Variants in FSIP1 observed in about 807,000 individuals in gnomAD.
FSIP1 encodes the protein fibrous sheath interacting protein 1.
A neutral mutation model predicts 60.9 loss-of-function variants in FSIP1; 65 were observed. The observed-to-expected ratio is 1.07, with a 90% confidence interval of 0.87 to 1.31. FSIP1 has a LOEUF of 1.31. Ranked by LOEUF, FSIP1 falls within the 40% of genes most tolerant of loss-of-function variation. The probability of loss-of-function intolerance (pLI) is 0.00; values close to 1 mark genes in which losing one functional copy is unlikely to be tolerated. For missense variants in FSIP1, 675 were observed against 665.5 expected (o/e 1.01, Z -0.16); for synonymous variants, 209 against 221.2 (o/e 0.94, Z 0.49).
intron 10 of FSIP1, among the ~76,000 whole-genome samples, chr15:39,667,589 C>A (rs564907990): frequency 6.6e-6 from 1 of 152,330 alleles, no homozygotes; most frequent in South Asian, 2.1e-4. Context: ...GGAGCTGAAG[C>A]TTGCTGAGGG....
intron 9 of FSIP1, among the ~76,000 whole-genome samples, chr15:39,713,856 G>C (rs778132126): frequency 6.6e-6 from 1 of 152,230 alleles, no homozygotes; most frequent in Non-Finnish European, 1.5e-5. Context: ...ACAGGAACCT[G>C]GGTTCTGGTC....
chr15:39,602,383 G>C, intron 11 of FSIP1: 1 of 455,760 alleles, frequency 2.2e-6, no homozygotes, highest in South Asian at 1.6e-5. Context: ...GTGACACCTT[G>C]ATTTCAAACT....
intron 5 of FSIP1, among the ~76,000 whole-genome samples, chr15:39,753,434 A>G (rs1205818155): frequency 6.6e-6 from 1 of 152,026 alleles, no homozygotes; most frequent in Non-Finnish European, 1.5e-5. Context: ...GTGTGTGCAC[A>G]CACAAACACA....
intron 9 of FSIP1, among the ~76,000 whole-genome samples, chr15:39,716,968 C>A (rs925702116): frequency 6.6e-6 from 1 of 152,004 alleles, no homozygotes; most frequent in African/African-American, 2.4e-5. Flanking sequence ...GCATGCACCA[C>A]CATGCCTGGC....
At chr15:39,668,989 T>C (rs1318859668) in intron 10 of FSIP1, among the ~76,000 whole-genome samples, 1 of 152,200 alleles carries the variant, frequency 6.6e-6, no homozygotes, top group Non-Finnish European at 1.5e-5. Context: ...GATATAAGTA[T>C]ATGAATTATG....
chr15:39,776,571 G>A, intron 1 of FSIP1, 40 bp from the exon 2 acceptor site: 3 of 1,504,824 alleles, frequency 2.0e-6, no homozygotes, highest in South Asian at 2.4e-5. Context: ...AAGCGACTCG[G>A]ATATTTAAAT....
intron 10 of FSIP1, among the ~76,000 whole-genome samples, chr15:39,692,488 T>A (rs1471112475): frequency 6.6e-6 from 1 of 151,980 alleles, no homozygotes; most frequent in Non-Finnish European, 1.5e-5. Context: ...GGAAAAAAAA[T>A]AACACATCAT....
At chr15:39,699,053 G>T (rs1158853891) in intron 10 of FSIP1, among the ~76,000 whole-genome samples, 1 of 152,192 alleles carries the variant, frequency 6.6e-6, no homozygotes, top group Non-Finnish European at 1.5e-5. Flanking sequence ...TGAATGTTCA[G>T]GCAGTGTATC....
intron 3 of FSIP1, among the ~76,000 whole-genome samples, chr15:39,770,148 CA>C (rs1446310015): frequency 2.6e-5 from 4 of 152,146 alleles, no homozygotes; most frequent in Non-Finnish European, 5.9e-5. Context: ...TAAATTGCAT[CA>C]AAAAATGCAG....
rs188281559 is a variant in FSIP1 at position 39,659,709 on chromosome 15, T to C, written c.1189-41464A>G. Among the ~76,000 whole-genome samples, 35 of 151,896 alleles carry C rather than the reference T, an allele frequency of 2.3e-4. No individual in the cohort carries two copies. In the East Asian group the frequency reaches 6.8e-3, roughly 29 times the overall value. On this transcript the variant is annotated intron_variant, in intron 10 of 11. Transcript: ENST00000350221. ...CTTTTTGCCTGTTTTTATTTGTGTC[T>C]GGTTAATTTCCTCATATATAATAAA...
In FSIP1 at chr15:39,687,136, C is replaced by CTTTTTTTTTTTTTTTTTTTTTT. The variant is rs1491090328; in HGVS notation, c.1188+26307_1188+26308insAAAAAAAAAAAAAAAAAAAAAA. Among the ~76,000 whole-genome samples, 106 of 47,712 alleles carry CTTTTTTTTTTTTTTTTTTTTTT rather than the reference C, an allele frequency of 2.2e-3. 22 individuals are homozygous for CTTTTTTTTTTTTTTTTTTTTTT. Among genetic ancestry groups the CTTTTTTTTTTTTTTTTTTTTTT allele is most frequent in the South Asian group, 4.4e-3 (5 of 1,124 alleles). The allele number at this position is 47,712 out of a possible 152,430, so 31.3% of individuals were successfully genotyped here. A position where few individuals can be genotyped will look rare whatever the true frequency, so the allele number is the denominator to read the frequency against. Reference sequence around the variant, plus strand: ...CACCTTTCTTTCTTTCTTTTCTTTTCCTTTTTTTTTTTTTTTTTTTTTTTT... The same window carrying CTTTTTTTTTTTTTTTTTTTTTT: ...CACCTTTCTTTCTTTCTTTTCTTTTCTTTTTTTTTTTTTTTTTTTTTTCTTTTTTTTTTTTTTTTTTTTTTTT... On this transcript the variant is annotated intron_variant, in intron 10 of 11. Coordinates refer to ENST00000350221, the MANE Select transcript of FSIP1 (RefSeq NM_152597.5).
At chr15:39,715,044 C>A (rs558569055) in intron 9 of FSIP1, among the ~76,000 whole-genome samples, 1 of 149,346 alleles carries the variant, frequency 6.7e-6, no homozygotes, top group South Asian at 2.2e-4. Flanking sequence ...TCAAGAACTA[C>A]TGACTTAGGT....
chr15:39,769,274 G>A (rs13329546), intron 3 of FSIP1, among the ~76,000 whole-genome samples: 3,873 of 138,410 alleles, frequency 0.028, 73 homozygotes, highest in Non-Finnish European at 0.039. Context: ...GCGAGACTCC[G>A]TCTCAAAAAA....
chr15:39,766,467 T>A (rs559884643), intron 3 of FSIP1, among the ~76,000 whole-genome samples: 1 of 152,356 alleles, frequency 6.6e-6, no homozygotes, highest in East Asian at 1.9e-4. Context: ...TTAATGCTCA[T>A]ATTAACCCTC....
Position 39,626,491 on chromosome 15 carries a change from T to C in FSIP1, c.1189-8246A>G, listed in dbSNP as rs185845221. On this transcript the variant is annotated intron_variant, in intron 10 of 11. Transcript: ENST00000350221. ...ACAGTCTGCCCGTAGGTCAGCGATA[T>C]GGTTTGGCTCTGTGTCCCCACCCAA... Among the ~76,000 whole-genome samples, 12 of 152,264 alleles carry C rather than the reference T, an allele frequency of 7.9e-5. No homozygotes were observed. In the East Asian group the frequency reaches 1.4e-3, roughly 17 times the overall value.
chr15:39,598,350 G>T (rs1245696904), downstream of FSIP1: 1 of 152,158 alleles, frequency 6.6e-6, no homozygotes, highest in Non-Finnish European at 1.5e-5. Context: ...AATGTAAATT[G>T]CCAAATCATT....
At chr15:39,743,935 CA>C (rs1896892388) in intron 5 of FSIP1, among the ~76,000 whole-genome samples, 1 of 152,028 alleles carries the variant, frequency 6.6e-6, no homozygotes, top group African/African-American at 2.4e-5. Context: ...CATAAAACAC[CA>C]AGACTAAAAG....
At chr15:39,778,650 G>A (rs907526059) in intron 1 of FSIP1, among the ~76,000 whole-genome samples, 5 of 152,140 alleles carry the variant, frequency 3.3e-5, no homozygotes, top group South Asian at 4.1e-4. Flanking sequence ...TTATAATTAC[G>A]TAAGCATTGA....
At position 39,713,593 on chromosome 15, in the gene FSIP1, A is replaced by T; in HGVS notation, c.1051-12T>A. ...TCACGGTCAGGTTTCTAATTTAAAG[A>T]AAAAAAAAAAACATCATTCACAGGC... On this transcript the variant is annotated splice_polypyrimidine_tract_variant and intron_variant, in intron 9 of 11. Transcript: ENST00000350221. The T allele has an allele frequency of 1.2e-6, 1 of 825,140 alleles. No homozygotes were observed. Among genetic ancestry groups the T allele is most frequent in the Non-Finnish European group, 1.7e-6 (1 of 594,220 alleles). The allele number at this position is 825,140 out of a possible 1,614,324, so 51.1% of individuals were successfully genotyped here. A position where few individuals can be genotyped will look rare whatever the true frequency, so the allele number is the denominator to read the frequency against.
Sources: gnomAD v4.1 joint callset for allele counts (sites outside exome capture counted in the v4.1 genomes callset) on GRCh38, gnomAD v4.1.1 for gene constraint, MANE v1.5 for transcripts, NCBI Gene and HGNC (gene_info 2026-07-23, HGNC 2026-07-21) for gene names.